The following TMCC1 variants were observed in gnomAD, a reference collection of about 807,000 sequenced individuals.
TMCC1 encodes the protein transmembrane and coiled-coil domains protein 1.
TMCC1 carries 15 observed loss-of-function variants against 52.4 expected under a neutral mutation model. The observed-to-expected ratio is 0.29, with a 90% CI of 0.19 to 0.44. TMCC1 has a LOEUF of 0.44. Ranked by LOEUF, TMCC1 falls within the 20% of genes least tolerant of loss-of-function variation. TMCC1 has a pLI of 1.00. For synonymous variants in TMCC1, 279 were observed against 301.9 expected (o/e 0.92, Z 0.79); for missense variants, 503 against 806.0 (o/e 0.62, Z 4.55).
chr3:129,832,693 A>G (rs895674439), intron 3 of TMCC1, 81 bp downstream of exon 3: 1 of 151,928 alleles, frequency 6.6e-6, no homozygotes, highest in African/African-American at 2.4e-5. Flanking sequence ...TAGTTTTTTG[A>G]TAAATATGGT....
chr3:129,667,691 C>T (rs929604316), intron 5 of TMCC1, among the ~76,000 whole-genome samples: 5 of 152,182 alleles, frequency 3.3e-5, no homozygotes, highest in African/African-American at 1.2e-4. Context: ...CTTAATTCTT[C>T]TAATGAGGTG....
At chr3:129,878,623 G>C (rs1333844737) in intron 2 of TMCC1, among the ~76,000 whole-genome samples, 1 of 152,118 alleles carries the variant, frequency 6.6e-6, no homozygotes, top group Non-Finnish European at 1.5e-5. Context: ...TATCTACTCA[G>C]CAGCCAAAGA....
At chr3:129,716,398 G>A (rs558091559) in intron 4 of TMCC1, among the ~76,000 whole-genome samples, 2 of 141,980 alleles carry the variant, frequency 1.4e-5, no homozygotes, top group African/African-American at 5.2e-5. Context: ...GCAGTGGCGC[G>A]ATCTCAGCTC....
intron 4 of TMCC1, among the ~76,000 whole-genome samples, chr3:129,735,583 A>G (rs1443671891): frequency 6.6e-6 from 1 of 150,522 alleles, no homozygotes; most frequent in Admixed American, 6.6e-5. Context: ...CAGGAGTTCA[A>G]GGCTGCTGTG....
chr3:129,810,116 G>A (rs2057719797), intron 4 of TMCC1, among the ~76,000 whole-genome samples: 1 of 152,130 alleles, frequency 6.6e-6, no homozygotes, highest in African/African-American at 2.4e-5. Context: ...CAGCACTTTG[G>A]GAGGCCAAGG....
chr3:129,736,222 T>C (rs549585552), intron 4 of TMCC1, among the ~76,000 whole-genome samples: 1 of 152,198 alleles, frequency 6.6e-6, no homozygotes, highest in Non-Finnish European at 1.5e-5. Flanking sequence ...GTTCACTTGG[T>C]ATCTACTGGC....
intron 4 of TMCC1, among the ~76,000 whole-genome samples, chr3:129,694,066 AG>A (rs2047218008): frequency 6.6e-6 from 1 of 152,222 alleles, no homozygotes; most frequent in African/African-American, 2.4e-5. Flanking sequence ...TGAGGTGGTA[AG>A]GAAAGTCACT....
rs564635928 is a variant in TMCC1 at position 129,833,585 on chromosome 3, A to G, written c.-183-759T>C. 1.6e-4 allele frequency among the ~76,000 whole-genome samples: 24 copies of G among 152,088 alleles called. No homozygotes were observed. In the East Asian group the frequency reaches 4.6e-3, roughly 29 times the overall value. On this transcript the variant is annotated intron_variant, in intron 2 of 6. Coordinates refer to ENST00000393238, the MANE Select transcript of TMCC1 (RefSeq NM_001017395.5). ...ACCCTGTCTCAATTTTAAAACAACA[A>G]CAACAAGAAGAACAAAACATATCTT...
intron 1 of TMCC1, among the ~76,000 whole-genome samples, chr3:129,886,247 T>C (rs1012131112): frequency 6.6e-6 from 1 of 152,200 alleles, no homozygotes; most frequent in Non-Finnish European, 1.5e-5. Context: ...TTCTTTATTC[T>C]ATAAAGACAA....
chr3:129,735,996 A>AT (rs1009845464), intron 4 of TMCC1, among the ~76,000 whole-genome samples: 4 of 152,244 alleles, frequency 2.6e-5, no homozygotes, highest in African/African-American at 9.6e-5. Flanking sequence ...ACCTGCTCTT[A>AT]TCTGTAGACC....
chr3:129,673,046 T>TA (rs2088090416), intron 4 of TMCC1, among the ~76,000 whole-genome samples: 1 of 152,112 alleles, frequency 6.6e-6, no homozygotes. Context: ...TGCATTTAAA[T>TA]AAAATCAAAA....
At chr3:129,881,784 T>C (rs1186199847) in intron 1 of TMCC1, among the ~76,000 whole-genome samples, 1 of 152,106 alleles carries the variant, frequency 6.6e-6, no homozygotes, top group Non-Finnish European at 1.5e-5. Context: ...CGAGTGAATG[T>C]AAAGACACAG....
intron 4 of TMCC1, among the ~76,000 whole-genome samples, chr3:129,741,351 T>C (rs976409558): frequency 3.3e-5 from 5 of 152,184 alleles, no homozygotes; most frequent in East Asian, 1.9e-4. Flanking sequence ...TCTACCTGTA[T>C]GGCTGTTTAA....
intron 4 of TMCC1, among the ~76,000 whole-genome samples, chr3:129,774,104 A>G (rs562909234): frequency 1.6e-4 from 25 of 152,326 alleles, no homozygotes; most frequent in African/African-American, 6.0e-4. Flanking sequence ...ACTGAAAGAA[A>G]CCAGGGCTCC....
intron 4 of TMCC1, among the ~76,000 whole-genome samples, chr3:129,793,166 A>C (rs1248306861): frequency 2.0e-5 from 3 of 148,524 alleles, no homozygotes; most frequent in Admixed American, 2.0e-4. Flanking sequence ...GAGGCCTTCA[A>C]ACACACACAC....
At chr3:129,886,719 C>A (rs368074780) in intron 1 of TMCC1, among the ~76,000 whole-genome samples, 2 of 151,742 alleles carry the variant, frequency 1.3e-5, no homozygotes, top group Non-Finnish European at 2.9e-5. Flanking sequence ...GCGGACCAAT[C>A]ACTTGAGGTC....
chr3:129,874,575 G>A (rs1170144683), intron 2 of TMCC1, among the ~76,000 whole-genome samples: 1 of 151,654 alleles, frequency 6.6e-6, no homozygotes, highest in African/African-American at 2.4e-5. Context: ...AAAACATACA[G>A]GGCAGGTGCA....
chr3:129,658,821 C>T (rs921850007), intron 5 of TMCC1, among the ~76,000 whole-genome samples: 5 of 152,156 alleles, frequency 3.3e-5, no homozygotes, highest in African/African-American at 4.8e-5. Context: ...TTCTTTGTAA[C>T]TCCACAGAAC....
chr3:129,805,374 G>C (rs1014021648), intron 4 of TMCC1, among the ~76,000 whole-genome samples: 2 of 152,014 alleles, frequency 1.3e-5, no homozygotes. Context: ...TGTTGCCCAG[G>C]CTGTTCTCGA....
Sources: gnomAD v4.1 joint callset for allele counts (sites outside exome capture counted in the v4.1 genomes callset) on GRCh38, gnomAD v4.1.1 for gene constraint, MANE v1.5 for transcripts, NCBI Gene and HGNC (gene_info 2026-07-23, HGNC 2026-07-21) for gene names.